DLGAP1: variants seen among roughly 807,000 people sequenced by gnomAD.
DLGAP1 encodes the protein DLG associated protein 1.
DLGAP1 carries 11 observed loss-of-function variants against 90.8 expected under a neutral mutation model. The observed-to-expected ratio is 0.12, with a 90% CI of 0.08 to 0.20. The LOEUF (loss-of-function observed/expected upper bound fraction) is 0.20. Ranked by LOEUF, DLGAP1 falls within the 10% of genes least tolerant of loss-of-function variation. The probability of loss-of-function intolerance (pLI) is 1.00; values close to 1 mark genes in which losing one functional copy is unlikely to be tolerated. For missense variants in DLGAP1, 1,050 were observed against 1,333.8 expected (o/e 0.79, Z 3.31); for synonymous variants, 558 against 540.7 (o/e 1.03, Z -0.44).
chr18:3,551,176 TAC>T (rs946800052), intron 9 of DLGAP1, among the ~76,000 whole-genome samples: 16 of 4,138 alleles, frequency 3.9e-3, no homozygotes, highest in African/African-American at 5.2e-3. Context: ...TATATATATA[TAC>T]ACATACATAT....
At chr18:4,333,888 C>T (rs1264727832) in intron 1 of DLGAP1, among the ~76,000 whole-genome samples, 1 of 151,170 alleles carries the variant, frequency 6.6e-6, no homozygotes, top group African/African-American at 2.4e-5. Context: ...GCGTGAGCCA[C>T]CGCGCCCGGC....
intron 7 of DLGAP1, among the ~76,000 whole-genome samples, chr18:3,610,263 C>T (rs963541479): frequency 2.6e-5 from 4 of 152,080 alleles, no homozygotes; most frequent in South Asian, 2.1e-4. Flanking sequence ...GTGGAGGAGA[C>T]GTACATCTGC....
At chr18:3,736,933 G>A (rs1426077558) in intron 6 of DLGAP1, among the ~76,000 whole-genome samples, 5 of 150,358 alleles carry the variant, frequency 3.3e-5, no homozygotes, top group African/African-American at 1.2e-4. Context: ...AAATGATAAA[G>A]GGGATATCAC....
rs548686080 is a variant in DLGAP1, at chr18:4,083,022, C to T, written c.-159+68158G>A. ...ATGTAGCTCCCTTCACTGCCATGGCCGTTTCAGGCTATGATCCCCCAAAGG... is the reference window on the plus strand; with the variant it reads ...ATGTAGCTCCCTTCACTGCCATGGCTGTTTCAGGCTATGATCCCCCAAAGG... On this transcript the variant is annotated intron_variant, in intron 2 of 12. Transcript: ENST00000315677. 9.9e-5 allele frequency among the ~76,000 whole-genome samples: 15 copies of T among 152,216 alleles called. No homozygotes were observed. In the East Asian group the frequency reaches 2.3e-3, roughly 23 times the overall value.
chr18:3,737,010 A>G (rs1240785536), intron 6 of DLGAP1, among the ~76,000 whole-genome samples: 1 of 148,928 alleles, frequency 6.7e-6, no homozygotes, highest in African/African-American at 2.5e-5. Flanking sequence ...CAAATAAACT[A>G]GAAAATCTAG....
chr18:4,277,907 C>G (rs1034127751), intron 1 of DLGAP1, among the ~76,000 whole-genome samples: 3 of 152,148 alleles, frequency 2.0e-5, no homozygotes, highest in African/African-American at 7.2e-5. Flanking sequence ...ACTCTAAAAG[C>G]CTTTTCTCCC....
chr18:3,855,265 C>T (rs1413529983), intron 4 of DLGAP1, among the ~76,000 whole-genome samples: 1 of 152,094 alleles, frequency 6.6e-6, no homozygotes. Context: ...GAACAACAGA[C>T]TCTGGGGCCT....
chr18:4,210,433 A>G (rs2077818090), intron 1 of DLGAP1, among the ~76,000 whole-genome samples: 3 of 152,216 alleles, frequency 2.0e-5, no homozygotes, highest in Admixed American at 1.3e-4. Flanking sequence ...TGATTGGGAC[A>G]CTACTGATCG....
rs1016127749 is a variant in DLGAP1, at chr18:3,567,477, C to T, written c.2057+13G>A. 6.2e-7 allele frequency: 1 copy of T among 1,607,292 alleles called. No individual in the cohort carries two copies. ...ACATCAAGACAAAAGAGGATGCGTG[C>T]ATGTGGACTTACCACTTCTCTTCTT... On this transcript the variant is annotated intron_variant, in intron 9 of 12. Coordinates refer to ENST00000315677, the MANE Select transcript of DLGAP1 (RefSeq NM_004746.4).
intron 2 of DLGAP1, among the ~76,000 whole-genome samples, chr18:4,128,125 G>C (rs995520010): frequency 2.6e-5 from 4 of 152,108 alleles, no homozygotes; most frequent in African/African-American, 9.7e-5. Flanking sequence ...CTTCATATCT[G>C]TGGGTTCAAC....
intron 3 of DLGAP1, chr18:3,986,065 C>G (rs2073836066): frequency 6.6e-6 from 1 of 152,194 alleles, no homozygotes; most frequent in Non-Finnish European, 1.5e-5. Context: ...CTATTCCCAT[C>G]TCTCCCCACA....
intron 1 of DLGAP1, among the ~76,000 whole-genome samples, chr18:4,322,806 CA>C (rs1229210070): frequency 6.6e-6 from 1 of 151,928 alleles, no homozygotes; most frequent in Non-Finnish European, 1.5e-5. Flanking sequence ...CGAAAAAATA[CA>C]AAAATTAGCC....
chr18:4,355,681 A>G (rs1199844261), intron 1 of DLGAP1, among the ~76,000 whole-genome samples: 1 of 150,294 alleles, frequency 6.7e-6, no homozygotes, highest in African/African-American at 2.4e-5. Flanking sequence ...ATATTGTACT[A>G]TAGTTACACA....
rs112785616 is a variant in DLGAP1, at chr18:4,176,638, C to T, written c.-266-25351G>A. Among the ~76,000 whole-genome samples, 504 of 152,278 alleles carry T rather than the reference C, an allele frequency of 3.3e-3. 3 individuals are homozygous for T. The highest frequency in any genetic ancestry group is 5.5e-3 in the Non-Finnish European group (377 of 68,024). ...TTCCCAGCTCTGCCCTGTTTGTAGC[C>T]TACAGGTTGCTGATATTAATACTAT... is the stretch of plus-strand genomic sequence containing the variant. On this transcript the variant is annotated intron_variant, in intron 1 of 12. Coordinates refer to ENST00000315677, the MANE Select transcript of DLGAP1 (RefSeq NM_004746.4).
intron 3 of DLGAP1, among the ~76,000 whole-genome samples, chr18:3,969,436 C>T (rs2073398238): frequency 2.6e-5 from 4 of 152,152 alleles, no homozygotes; most frequent in Non-Finnish European, 5.9e-5. Context: ...GAGTGTATTA[C>T]ACCGCTGACC....
intron 1 of DLGAP1, among the ~76,000 whole-genome samples, chr18:4,444,708 C>A (rs1408240016): frequency 6.6e-6 from 1 of 152,204 alleles, no homozygotes; most frequent in East Asian, 1.9e-4. Flanking sequence ...CTTGGTAGTA[C>A]TTTGATGTAA....
chr18:4,246,365 A>T (rs556825672), intron 1 of DLGAP1, among the ~76,000 whole-genome samples: 1 of 152,322 alleles, frequency 6.6e-6, no homozygotes, highest in East Asian at 1.9e-4. Context: ...TTTATGTATA[A>T]CAGTTCTGGG....
chr18:3,514,109 C>CTTT (rs11402114), intron 10 of DLGAP1, among the ~76,000 whole-genome samples: 1 of 145,512 alleles, frequency 6.9e-6, no homozygotes, highest in Non-Finnish European at 1.5e-5. Context: ...CTGACTGCTT[C>CTTT]TTTTTTTTTT....
At chr18:3,595,994 G>A (rs901248430) in intron 7 of DLGAP1, among the ~76,000 whole-genome samples, 14 of 152,184 alleles carry the variant, frequency 9.2e-5, no homozygotes, top group Non-Finnish European at 4.4e-5. Flanking sequence ...GTTTACAGAA[G>A]GGGAAGATTC....
Sources: gnomAD v4.1 joint callset for allele counts (sites outside exome capture counted in the v4.1 genomes callset) on GRCh38, gnomAD v4.1.1 for gene constraint, MANE v1.5 for transcripts, NCBI Gene and HGNC (gene_info 2026-07-23, HGNC 2026-07-21) for gene names.